The following SLCO3A1 variants were observed in gnomAD, a reference collection of about 807,000 sequenced individuals.
SLCO3A1 encodes the protein solute carrier organic anion transporter family member 3A1, also known as PGE1 transporter.
In SLCO3A1, 27 loss-of-function variants were observed where a neutral mutation model predicts 63.1. That is an observed-to-expected ratio of 0.43 (90% CI 0.32 to 0.59). The LOEUF (loss-of-function observed/expected upper bound fraction) is 0.59, where lower values mean the gene tolerates loss of function less well. Ranked by LOEUF, SLCO3A1 falls within the 20% of genes least tolerant of loss-of-function variation. The pLI is 0.09. For missense variants in SLCO3A1, 773 were observed against 945.8 expected, an observed-to-expected ratio of 0.82 and a Z score of 2.40; for synonymous variants, 473 against 409.9, an observed-to-expected ratio of 1.15 and a Z score of -1.86.
intron 3 of SLCO3A1, among the ~76,000 whole-genome samples, chr15:92,099,045 G>A (rs2047572706): frequency 1.3e-5 from 2 of 152,228 alleles, no homozygotes; most frequent in Non-Finnish European, 2.9e-5. Context: ...TAGCCAGAAG[G>A]CGGCTCCCTT....
intron 1 of SLCO3A1, among the ~76,000 whole-genome samples, chr15:91,881,645 A>G (rs1438107839): frequency 6.6e-6 from 1 of 152,130 alleles, no homozygotes; most frequent in African/African-American, 2.4e-5. Flanking sequence ...GTTGGATCAG[A>G]AGCTTTTAAT....
chr15:91,916,496 G>A lies in SLCO3A1; in HGVS notation c.646+38G>A, dbSNP rs1016649466. On this transcript the variant is annotated intron_variant, in intron 2 of 9. Coordinates refer to ENST00000318445, the MANE Select transcript of SLCO3A1 (RefSeq NM_013272.4). This position sits in a 1 kb window ranked among gnomAD's most constrained non-coding sequence, Gnocchi z 6.2. ...CCAGCCGTATTAGCAAGAGACCAGG[G>A]TGTGTTGACCATGGATAAAAGGTGG... 4 of 1,468,792 alleles carry A rather than the reference G, an allele frequency of 2.7e-6. No individual in the cohort carries two copies. The African/African-American group carries it at 5.7e-5, about 21-fold the overall frequency. The allele number at this position is 1,468,792 out of a possible 1,614,324, so 91.0% of individuals were successfully genotyped here.
chr15:91,977,255 T>G (rs551853368), intron 2 of SLCO3A1, among the ~76,000 whole-genome samples: 1 of 152,300 alleles, frequency 6.6e-6, no homozygotes, highest in East Asian at 1.9e-4. Flanking sequence ...CATGCACTGG[T>G]CTTCCCTACA....
chr15:92,162,046 C>T (rs1401340689), intron 9 of SLCO3A1: 1 of 151,680 alleles, frequency 6.6e-6, no homozygotes, highest in East Asian at 1.9e-4. Context: ...TTGGCCTTCT[C>T]AGGCTCTCAG....
chr15:92,079,260 C>T (rs528547628), intron 2 of SLCO3A1, among the ~76,000 whole-genome samples: 36 of 152,164 alleles, frequency 2.4e-4, no homozygotes, highest in Non-Finnish European at 3.4e-4. Context: ...TTCCAAGTAC[C>T]CTCTCAAGTG....
intron 2 of SLCO3A1, among the ~76,000 whole-genome samples, chr15:92,028,269 G>C (rs2046600937): frequency 1.3e-5 from 2 of 152,118 alleles, no homozygotes; most frequent in Non-Finnish European, 2.9e-5. Flanking sequence ...GCCAGGGGAT[G>C]GTTGAGTCCA....
chr15:91,889,332 C>T, intron 1 of SLCO3A1: 1 of 409,122 alleles, frequency 2.4e-6, no homozygotes, highest in Non-Finnish European at 4.8e-6. Flanking sequence ...GGCTGTTACT[C>T]ATCACTCAGC....
intron 2 of SLCO3A1, among the ~76,000 whole-genome samples, chr15:92,065,406 A>G (rs1195082229): frequency 1.3e-5 from 2 of 152,210 alleles, no homozygotes; most frequent in Non-Finnish European, 2.9e-5. Flanking sequence ...AGATTTGATC[A>G]TTACACATGA....
intron 2 of SLCO3A1, among the ~76,000 whole-genome samples, chr15:91,986,655 C>G (rs2046057577): frequency 6.6e-6 from 1 of 151,670 alleles, no homozygotes; most frequent in Non-Finnish European, 1.5e-5. Flanking sequence ...CACCTCAGTT[C>G]AGACCAGCTG....
At chr15:91,977,197 A>C (rs1384090354) in intron 2 of SLCO3A1, among the ~76,000 whole-genome samples, 1 of 152,204 alleles carries the variant, frequency 6.6e-6, no homozygotes, top group African/African-American at 2.4e-5. Flanking sequence ...AGGTTTTGTC[A>C]GTGCAATGAG....
chr15:92,125,644 G>A (rs2047911941), intron 5 of SLCO3A1, among the ~76,000 whole-genome samples: 1 of 151,880 alleles, frequency 6.6e-6, no homozygotes, highest in South Asian at 2.1e-4. Context: ...ATCCCTAAAT[G>A]ATCTCAAGTC....
intron 1 of SLCO3A1, among the ~76,000 whole-genome samples, chr15:91,889,978 A>G (rs913985473): frequency 3.9e-5 from 6 of 152,194 alleles, no homozygotes; most frequent in Non-Finnish European, 7.3e-5. Flanking sequence ...CTAGAAACAA[A>G]ATTTGTTTAC....
At chr15:92,125,496 G>C (rs1272277485) in intron 5 of SLCO3A1, among the ~76,000 whole-genome samples, 1 of 152,118 alleles carries the variant, frequency 6.6e-6, no homozygotes, top group African/African-American at 2.4e-5. Context: ...ATTGATTGAT[G>C]CCACTTCCTG....
intron 2 of SLCO3A1, among the ~76,000 whole-genome samples, chr15:91,958,335 A>G (rs148831031): frequency 4.1e-4 from 62 of 152,200 alleles, no homozygotes; most frequent in Admixed American, 2.4e-3. Flanking sequence ...ACCGTACTTC[A>G]TTTTGTATTC....
intron 2 of SLCO3A1, among the ~76,000 whole-genome samples, chr15:91,973,587 A>G (rs1481160459): frequency 4.6e-5 from 7 of 152,198 alleles, no homozygotes; most frequent in Admixed American, 4.6e-4. Flanking sequence ...AGGGCGAGTT[A>G]GGGCAGAGCT....
intron 2 of SLCO3A1, among the ~76,000 whole-genome samples, chr15:92,036,096 G>T (rs545707580): frequency 3.7e-4 from 57 of 152,304 alleles, no homozygotes; most frequent in African/African-American, 1.4e-3. Flanking sequence ...ACATCCCAAG[G>T]CCATGTTGAA....
At chr15:91,920,174 T>C (rs1170865004) in intron 2 of SLCO3A1, among the ~76,000 whole-genome samples, 1 of 152,244 alleles carries the variant, frequency 6.6e-6, no homozygotes, top group Non-Finnish European at 1.5e-5. Context: ...TTGAGTAACT[T>C]ACCCAAGCTC....
rs748844784 is a variant in SLCO3A1, at chr15:92,165,514, AG to A, written c.*2380del. The stretch of plus-strand genomic sequence containing the variant: ...CTATTTGCTTTGAGAGAAAAAAAAA[AG>A]AAAGTTTTTTAAACTCTTTGCATTT... On this transcript the variant is annotated 3_prime_UTR_variant, in exon 10 of 10. Coordinates refer to ENST00000318445, the MANE Select transcript of SLCO3A1 (RefSeq NM_013272.4). 367 of 913,764 alleles carry A rather than the reference AG, an allele frequency of 4.0e-4. No homozygotes were observed. The highest frequency in any genetic ancestry group is 1.3e-3 in the East Asian group (10 of 7,554). The allele number at this position is 913,764 out of a possible 1,614,324, so 56.6% of individuals were successfully genotyped here.
chr15:91,861,881 C>A (rs1384180990), intron 1 of SLCO3A1, among the ~76,000 whole-genome samples: 1 of 151,106 alleles, frequency 6.6e-6, no homozygotes, highest in Non-Finnish European at 1.5e-5. Context: ...CTCAAGTGAT[C>A]CACCTGCCTT....
Sources: allele counts gnomAD v4.1 joint callset (sites outside exome capture counted in the v4.1 genomes callset), GRCh38; gene constraint gnomAD v4.1.1; non-coding constraint Gnocchi (gnomAD v3.1); transcripts MANE v1.5; gene names NCBI Gene and HGNC (gene_info 2026-07-23, HGNC 2026-07-21).